The following TICRR variants were observed in gnomAD, a reference collection of about 807,000 sequenced individuals.
TICRR encodes the protein TOPBP1 interacting checkpoint and replication regulator.
In TICRR, 132 loss-of-function variants were observed where a neutral mutation model predicts 178.1. The ratio of observed to expected loss-of-function variants is 0.74; its 90% CI spans 0.64 to 0.86. TICRR has a LOEUF of 0.86. Among genes scored for constraint, TICRR ranks in the 40% least tolerant of loss-of-function variants. TICRR has a pLI of 0.00. For missense variants in TICRR, 2,587 were observed against 2,334.3 expected, an observed-to-expected ratio of 1.11 and a Z score of -2.23; for synonymous variants, 991 against 900.7, an observed-to-expected ratio of 1.10 and a Z score of -1.79.
chr15:89,589,230 C>T (rs972390077), intron 4 of TICRR, among the ~76,000 whole-genome samples: 4 of 151,970 alleles, frequency 2.6e-5, no homozygotes, highest in African/African-American at 7.3e-5. Flanking sequence ...CTTCGCCTGA[C>T]GGGAAAAAGC....
chr15:89,621,339 G>A (rs1198101758), intron 18 of TICRR, 54 bp from the exon 19 acceptor site: 42 of 1,553,800 alleles, frequency 2.7e-5, no homozygotes, highest in Non-Finnish European at 3.5e-5. Context: ...TAATAGTATT[G>A]GAAGAACAGG....
intron 13 of TICRR, 112 bp from the exon 14 acceptor site, chr15:89,606,656 A>G: frequency 1.2e-6 from 1 of 818,036 alleles, no homozygotes; most frequent in Non-Finnish European, 2.1e-6. Context: ...TATTTCTATT[A>G]TGGATCCCTA....
At chr15:89,605,891 G>C (rs577393125) in intron 13 of TICRR, among the ~76,000 whole-genome samples, 1 of 152,228 alleles carries the variant, frequency 6.6e-6, no homozygotes, top group African/African-American at 2.4e-5. Context: ...CTGGGGTTTA[G>C]ACTCTTGAAT....
At chr15:89,607,847 G>A (rs540006840) in intron 14 of TICRR, among the ~76,000 whole-genome samples, 76 of 152,046 alleles carry the variant, frequency 5.0e-4, no homozygotes, top group Non-Finnish European at 9.4e-4. Context: ...GCTTTGCCAC[G>A]TACTTCTTGA....
At chr15:89,594,021 C>T (rs1441249807) in intron 5 of TICRR, among the ~76,000 whole-genome samples, 2 of 152,068 alleles carry the variant, frequency 1.3e-5, no homozygotes, top group Non-Finnish European at 2.9e-5. Context: ...AAGAATTATT[C>T]GAAGTCATTG....
chr15:89,623,134 C>T (rs1403805508), intron 19 of TICRR, among the ~76,000 whole-genome samples: 3 of 152,208 alleles, frequency 2.0e-5, no homozygotes, highest in African/African-American at 7.2e-5. Flanking sequence ...GAGACATTAT[C>T]TTTGCTGCTG....
At position 89,575,672 on chromosome 15, in the gene TICRR, G is replaced by T. The variant is rs990146817; in HGVS notation, c.86G>T (p.Arg29Leu). ...AGCCGGGTCCGGCGGGCCGCCCTGCGCCTCCTCACCTATCTGAGTTGCCGA... is the reference window on the plus strand; with the variant it reads ...AGCCGGGTCCGGCGGGCCGCCCTGCTCCTCCTCACCTATCTGAGTTGCCGA... ...RHSRVRRAALRLLTYLSCRFG... is the reference protein window; with the variant it reads ...RHSRVRRAALLLLTYLSCRFG... Residue 29 changes from arginine (R) to leucine (L), a missense_variant, in exon 1 of 22, where the codon CGC becomes CTC. By Grantham distance (102) the Arg-to-Leu change is moderately radical. Coordinates refer to ENST00000268138, the MANE Select transcript of TICRR (RefSeq NM_152259.4). The T allele has an allele frequency of 6.3e-7, 1 of 1,591,312 alleles. No individual in the cohort carries two copies.
At chr15:89,603,053 G>A (rs547837865) in intron 13 of TICRR, among the ~76,000 whole-genome samples, 161 bp downstream of exon 13, 1 of 152,132 alleles carries the variant, frequency 6.6e-6, no homozygotes, top group Non-Finnish European at 1.5e-5. Context: ...ATATAAACTT[G>A]TCAAGAGATT....
Position 89,625,231 on chromosome 15 carries a change from A to C in TICRR, c.4921A>C (p.Thr1641Pro), listed in dbSNP as rs764701003. The C allele has an allele frequency of 7.2e-5, 116 of 1,613,478 alleles. No homozygotes were observed. The highest frequency in any genetic ancestry group is 9.5e-5 in the Non-Finnish European group (112 of 1,179,764). The part of the protein sequence containing the change: ...HSTPGKSRGQ[T>P]YICQACTPTH... ...CACACCTGGCAAGAGCAGGGGGCAA[A>C]CCTACATCTGCCAGGCCTGTACCCC... is the stretch of plus-strand genomic sequence containing the variant. The change falls in exon 20 of 22, where the codon ACC (threonine) becomes CCC (proline). Residue 1641 changes from threonine (T) to proline (P), a missense_variant. Transcript: ENST00000268138.
At position 89,584,377 on chromosome 15, in the gene TICRR, A is replaced by C; in HGVS notation, c.1026A>C (p.Leu342=). The change falls in exon 3 of 22, where the codon CTA becomes CTC. Residue 342 remains leucine (L), a synonymous_variant. Transcript: ENST00000268138. ...RHFQKPVRIF[L]KGSVAQWSLP... The stretch of plus-strand genomic sequence containing the variant: ...TTCAGAAACCAGTCAGAATTTTTCT[A>C]AAAGGCTCAGTGGCCCAGTGGTCTC... 1 of 1,614,176 alleles carries C rather than the reference A, an allele frequency of 6.2e-7. No individual in the cohort carries two copies. Among genetic ancestry groups the C allele is most frequent in the East Asian group, 2.2e-5 (1 of 44,882 alleles).
At chr15:89,601,675 G>A in intron 11 of TICRR, 62 bp from the exon 12 acceptor site, 1 of 1,611,586 alleles carries the variant, frequency 6.2e-7, no homozygotes, top group African/African-American at 1.3e-5. Flanking sequence ...TAGGCTGGGT[G>A]AGGGAGGGAA....
chr15:89,627,219 T>A lies in TICRR; in HGVS notation c.*133T>A. Reference sequence around the variant, plus strand: ...GATTGCCATTAGAATGCCTTAGGGTTTTCTAATTCCCCTTATGGATCCAAT... The same window carrying A: ...GATTGCCATTAGAATGCCTTAGGGTATTCTAATTCCCCTTATGGATCCAAT... On this transcript the variant is annotated 3_prime_UTR_variant, in exon 22 of 22. Transcript: ENST00000268138. The A allele has an allele frequency of 9.1e-7, 1 of 1,092,902 alleles. No homozygotes were observed. The highest frequency in any genetic ancestry group is 1.3e-6 in the Non-Finnish European group (1 of 765,422). 67.7% of individuals were successfully genotyped at this position (1,092,902 alleles called of 1,614,324 possible).
At chr15:89,585,399 C>T (rs1009118090) in intron 3 of TICRR, among the ~76,000 whole-genome samples, 1 of 152,170 alleles carries the variant, frequency 6.6e-6, no homozygotes, top group African/African-American at 2.4e-5. Flanking sequence ...CAGCCTCAAT[C>T]CCTCCTTTAT....
intron 13 of TICRR, among the ~76,000 whole-genome samples, chr15:89,603,783 C>G (rs1963133411): frequency 6.6e-6 from 1 of 151,980 alleles, no homozygotes; most frequent in African/African-American, 2.4e-5. Context: ...TGCATAAGTT[C>G]AATTTGTAAA....
At chr15:89,590,227 C>T (rs1381976477) in intron 4 of TICRR, among the ~76,000 whole-genome samples, 4 of 152,150 alleles carry the variant, frequency 2.6e-5, no homozygotes, top group African/African-American at 9.7e-5. Context: ...GTGTACAGCA[C>T]TGCGCTCCTC....
chr15:89,576,398 A>G (rs1445737907), intron 1 of TICRR, among the ~76,000 whole-genome samples, 158 bp downstream of exon 1: 1 of 152,106 alleles, frequency 6.6e-6, no homozygotes, highest in East Asian at 1.9e-4. Flanking sequence ...AGTTTTCACA[A>G]CAAAATGGGT....
chr15:89,627,267 G>A lies in TICRR; in HGVS notation c.*181G>A, dbSNP rs1248440703. 3.0e-5 allele frequency: 21 copies of A among 704,942 alleles called. No individual in the cohort carries two copies. Among genetic ancestry groups the A allele is most frequent in the Non-Finnish European group, 6.8e-6 (3 of 443,676 alleles). 43.7% of individuals were successfully genotyped at this position (704,942 alleles called of 1,614,324 possible). ...AATCCATCTCCTGGCCCTGCCCCTT[G>A]TTGGGGAAGTTGCAGGAGGAGAGGT... On this transcript the variant is annotated 3_prime_UTR_variant, in exon 22 of 22. Transcript: ENST00000268138.
Position 89,575,925 on chromosome 15 carries a change from G to T in TICRR, c.339G>T (p.Trp113Cys). ...ALMETLLDYQ[W>C]DRPEITSPTK... ...TGGAGACGCTGCTAGACTACCAGTG[G>T]GACCGGCCCGAGATCACGTCGCCCA... Residue 113 changes from tryptophan (W) to cysteine (C), a missense_variant, in exon 1 of 22, where the codon TGG (tryptophan) becomes TGT (cysteine). Physicochemically the swap from Trp to Cys is radical, Grantham distance 215 (BLOSUM62 -2). Coordinates refer to ENST00000268138, the MANE Select transcript of TICRR (RefSeq NM_152259.4). 1 of 1,594,250 alleles carries T rather than the reference G, an allele frequency of 6.3e-7. No homozygotes were observed.
At chr15:89,583,095 T>A in intron 2 of TICRR, 130 bp downstream of exon 2, 1 of 1,068,508 alleles carries the variant, frequency 9.4e-7, no homozygotes, top group Non-Finnish European at 1.3e-6. Flanking sequence ...CATGAAAGAA[T>A]TAAAAGACAT....
Sources: allele counts gnomAD v4.1 joint callset (sites outside exome capture counted in the v4.1 genomes callset), GRCh38; gene constraint gnomAD v4.1.1; transcripts MANE v1.5; gene names NCBI Gene and HGNC (gene_info 2026-07-23, HGNC 2026-07-21).